The following ADGRL1 variants were observed in gnomAD, a reference collection of about 807,000 sequenced individuals.
ADGRL1 encodes adhesion G protein-coupled receptor L1.
ADGRL1 carries 31 observed loss-of-function variants against 148.9 expected under a neutral mutation model. That is an observed-to-expected ratio of 0.21 (90% CI 0.16 to 0.28). ADGRL1 has a LOEUF of 0.28. ADGRL1 is among the 10% of genes least tolerant of loss of function. The probability of loss-of-function intolerance (pLI) is 1.00; values close to 1 mark genes in which losing one functional copy is unlikely to be tolerated. For synonymous variants in ADGRL1, 937 were observed against 900.3 expected (o/e 1.04, Z -0.73); for missense variants, 1,521 against 2,058.8 (o/e 0.74, Z 5.05).
Position 14,156,433 on chromosome 19 carries a change from A to G in ADGRL1, c.3033+225T>C, listed in dbSNP as rs369988197. On this transcript the variant is annotated intron_variant, in intron 16 of 22. Coordinates refer to ENST00000361434, the MANE Select transcript of ADGRL1 (RefSeq NM_014921.5). ...GGACAAGGCCCATGGCCTGACACAC[A>G]CTAGGGGCTCAAATCACAGCCCCCC... Among the ~76,000 whole-genome samples the G allele has an allele frequency of 4.6e-5, 7 of 152,050 alleles. No homozygotes were observed. The East Asian group carries it at 9.7e-4, about 21-fold the overall frequency.
At position 14,151,053 on chromosome 19, in the gene ADGRL1, T is replaced by TGGGGGGGG; in HGVS notation, c.4229_4230insCCCCCCCC (p.Gly1413HisfsTer118). The TGGGGGGGG allele has an allele frequency of 2.8e-6, 1 of 359,720 alleles. No homozygotes were observed. Among genetic ancestry groups the TGGGGGGGG allele is most frequent in the Admixed American group, 1.2e-4 (1 of 8,480 alleles). 22.3% of individuals were successfully genotyped at this position (359,720 alleles called of 1,614,324 possible). A position where few individuals can be genotyped will look rare whatever the true frequency, so the allele number is the denominator to read the frequency against. On this transcript the variant is annotated frameshift_variant, in exon 23 of 23. Coordinates refer to ENST00000361434, the MANE Select transcript of ADGRL1 (RefSeq NM_014921.5). LOFTEE classifies it high-confidence loss of function. ...AGTAGATTTCGGGGGGGCCGGGGGG[T>TGGGGGGGG]GCGGGAGGGGGTGGGGGCAGGGCCT...
At position 14,152,170 on chromosome 19, in the gene ADGRL1, GAGAGA is replaced by G. The variant is rs762508560; in HGVS notation, c.3650-25_3650-21del. The G allele has an allele frequency of 3.0e-5, 48 of 1,614,036 alleles. No homozygotes were observed. Among genetic ancestry groups the G allele is most frequent in the Admixed American group, 1.7e-5 (1 of 60,000 alleles). On this transcript the variant is annotated intron_variant, in intron 21 of 22. Transcript: ENST00000361434. The surrounding 1 kb of genome is among the most constrained non-coding windows in gnomAD (Gnocchi z 6.1). ...AGCTCCCTGCAGGTGGCAGCCAGAA[GAGAGA>G]AGAGAAAAGGCAAGGATGAGCTCGA...
chr19:14,169,606 G>C (rs144598561), intron 4 of ADGRL1: 2 of 152,272 alleles, frequency 1.3e-5, no homozygotes, highest in Non-Finnish European at 2.9e-5. Flanking sequence ...CCCCAGCATC[G>C]AGTCACCTGT....
At chr19:14,177,326 A>G (rs1970890703) in intron 3 of ADGRL1, among the ~76,000 whole-genome samples, 1 of 152,140 alleles carries the variant, frequency 6.6e-6, no homozygotes, top group Non-Finnish European at 1.5e-5. Context: ...GTATGGGTAT[A>G]GGCCTCTGTC....
intron 1 of ADGRL1, among the ~76,000 whole-genome samples, chr19:14,189,699 A>G (rs1971813398): frequency 1.3e-5 from 2 of 152,232 alleles, no homozygotes; most frequent in African/African-American, 2.4e-5. Context: ...GCTGTTGCAC[A>G]GAAGGATCCT....
chr19:14,149,611 G>C lies in ADGRL1; in HGVS notation c.*1262C>G, dbSNP rs997815183. ...GAGGGAAGGGGGAGACAGGCCTCTGGTCCTGGGGCAGGCAGTGAGAGGTAC... is the reference window on the plus strand; with the variant it reads ...GAGGGAAGGGGGAGACAGGCCTCTGCTCCTGGGGCAGGCAGTGAGAGGTAC... On this transcript the variant is annotated 3_prime_UTR_variant, in exon 23 of 23. Transcript: ENST00000361434. 6.5e-6 allele frequency: 1 copy of C among 152,780 alleles called. No individual in the cohort carries two copies. Among genetic ancestry groups the C allele is most frequent in the Admixed American group, 6.5e-5 (1 of 15,288 alleles). 9.5% of individuals were successfully genotyped at this position (152,780 alleles called of 1,614,324 possible).
rs1298348802 is a variant in ADGRL1, at chr19:14,161,730, G to T, written c.1196-104C>A. ...CATCTTAGCATCTTCCTCATCTACT[G>T]AAGTGGAAACACGTGCCGGGCCCCA... is the stretch of plus-strand genomic sequence containing the variant. On this transcript the variant is annotated intron_variant, in intron 5 of 22. Coordinates refer to ENST00000361434, the MANE Select transcript of ADGRL1 (RefSeq NM_014921.5). The surrounding 1 kb of genome is among the most constrained non-coding windows in gnomAD (Gnocchi z 4.4). The T allele has an allele frequency of 1.2e-6, 1 of 843,004 alleles. No individual in the cohort carries two copies. Among genetic ancestry groups the T allele is most frequent in the Non-Finnish European group, 1.6e-6 (1 of 611,314 alleles). The allele number at this position is 843,004 out of a possible 1,614,324, so 52.2% of individuals were successfully genotyped here.
intron 1 of ADGRL1, among the ~76,000 whole-genome samples, chr19:14,201,807 C>T (rs1234492827): frequency 1.3e-5 from 2 of 152,096 alleles, no homozygotes; most frequent in Non-Finnish European, 2.9e-5. Flanking sequence ...CATCCTCGCG[C>T]GCTTGGATCC....
chr19:14,188,491 C>T (rs187798764), intron 1 of ADGRL1, among the ~76,000 whole-genome samples: 33 of 152,270 alleles, frequency 2.2e-4, no homozygotes, highest in Middle Eastern at 6.8e-3. Flanking sequence ...TTCAGCCCAA[C>T]CAGACCAAAA....
In ADGRL1 at chr19:14,158,121, C is replaced by T. The variant is rs1968957155; in HGVS notation, c.2365-69G>A. 4.7e-6 allele frequency: 7 copies of T among 1,497,538 alleles called. No individual in the cohort carries two copies. In the Admixed American group the frequency reaches 8.6e-5, roughly 18 times the overall value. 92.8% of individuals were successfully genotyped at this position (1,497,538 alleles called of 1,614,324 possible). On this transcript the variant is annotated intron_variant, in intron 12 of 22. Coordinates refer to ENST00000361434, the MANE Select transcript of ADGRL1 (RefSeq NM_014921.5). ...CGGGGAGTCCCATTCCGACCCCCCA[C>T]ACCTGGCAACAGGGATGGTACCAAG...
In ADGRL1 at chr19:14,160,270, T is replaced by C. The variant is rs770779827; in HGVS notation, c.1642A>G (p.Ile548Val). 65 of 1,592,448 alleles carry C rather than the reference T, an allele frequency of 4.1e-5. No homozygotes were observed. Among genetic ancestry groups the C allele is most frequent in the East Asian group, 6.8e-5 (3 of 44,186 alleles). ...GTGTGTCGGGCCAGCTCGCTGGCGA[T>C]GTTGGCCGCGTTCTCCCCACTCTTG... ...KIKSGENAAN[I>V]ASELARHTRG... Residue 548 changes from isoleucine (I) to valine (V), a missense_variant, in exon 8 of 23, where the codon ATC becomes GTC. Physicochemically the swap from Ile to Val is conservative, Grantham distance 29. Around this residue, in one of 8 missense-constraint regions of ADGRL1, gnomAD observed 270 missense variants for 320.4 expected, o/e 0.84. Coordinates refer to ENST00000361434, the MANE Select transcript of ADGRL1 (RefSeq NM_014921.5). This position sits in a 1 kb window ranked among gnomAD's most constrained non-coding sequence, Gnocchi z 5.9.
rs942484262 is a variant in ADGRL1, at chr19:14,150,053, C to T, written c.*820G>A. On this transcript the variant is annotated 3_prime_UTR_variant, in exon 23 of 23. Coordinates refer to ENST00000361434, the MANE Select transcript of ADGRL1 (RefSeq NM_014921.5). ...AAAGATCCAAGCCCAGGACCCACTC[C>T]CCAGGGAGATCCAGACCCAAAATCT... is the stretch of plus-strand genomic sequence containing the variant. The T allele has an allele frequency of 1.3e-5, 2 of 152,138 alleles. No homozygotes were observed. The highest frequency in any genetic ancestry group is 4.8e-5 in the African/African-American group (2 of 41,326). The allele number at this position is 152,138 out of a possible 1,614,324, so 9.4% of individuals were successfully genotyped here. A position where few individuals can be genotyped will look rare whatever the true frequency, so the allele number is the denominator to read the frequency against.
rs1555785211 is a variant in ADGRL1 at position 14,163,490 on chromosome 19, G to GAGAGAGAGAGAA, written c.395-85_395-84insTTCTCTCTCTCT. On this transcript the variant is annotated intron_variant, in intron 4 of 22. Transcript: ENST00000361434. ...GGAGAGAGAGAGAGAGAGAGAGAGA[G>GAGAGAGAGAGAA]AGAGAGAGGGGGGAGAGAGGCAAGT... 1.5e-4 allele frequency: 158 copies of GAGAGAGAGAGAA among 1,048,658 alleles called. 1 individual carries two copies. The African/African-American group carries it at 2.3e-3, about 15-fold the overall frequency. The allele number at this position is 1,048,658 out of a possible 1,614,324, so 65.0% of individuals were successfully genotyped here. A position where few individuals can be genotyped will look rare whatever the true frequency, so the allele number is the denominator to read the frequency against.
intron 4 of ADGRL1, among the ~76,000 whole-genome samples, chr19:14,165,073 C>T (rs1969825176): frequency 6.6e-6 from 1 of 152,190 alleles, no homozygotes; most frequent in East Asian, 1.9e-4. Flanking sequence ...GGGGCTTGGG[C>T]TAGTCCTCAT....
chr19:14,151,653 G>T lies in ADGRL1; in HGVS notation c.3668-38C>A, dbSNP rs774597875. On this transcript the variant is annotated intron_variant, in intron 22 of 22. Transcript: ENST00000361434. Reference sequence around the variant, plus strand: ...AAGGGGCTGGTCAGGTTGAAGAGGGGCCCTGGATGCACTAGGGGACAGTGA... The same window carrying T: ...AAGGGGCTGGTCAGGTTGAAGAGGGTCCCTGGATGCACTAGGGGACAGTGA... 3.9e-6 allele frequency: 6 copies of T among 1,543,696 alleles called. No individual in the cohort carries two copies. In the East Asian group the frequency reaches 1.1e-4, roughly 29 times the overall value.
At chr19:14,169,345 G>A (rs1328939192) in intron 4 of ADGRL1, 1 of 152,254 alleles carries the variant, frequency 6.6e-6, no homozygotes, top group Non-Finnish European at 1.5e-5. Context: ...TTCAGAGCCA[G>A]AAAACTCAAG....
rs1186318183 is a variant in ADGRL1, at chr19:14,160,802, C to T, written c.1511-106G>A. 42 of 728,410 alleles carry T rather than the reference C, an allele frequency of 5.8e-5. No homozygotes were observed. The highest frequency in any genetic ancestry group is 5.8e-4 in the East Asian group (22 of 38,190). The allele number at this position is 728,410 out of a possible 1,614,324, so 45.1% of individuals were successfully genotyped here. On this transcript the variant is annotated intron_variant, in intron 6 of 22. Transcript: ENST00000361434. This position sits in a 1 kb window ranked among gnomAD's most constrained non-coding sequence, Gnocchi z 5.9. ...TGACAGAGAGTGGGGGACGAGCGGG[C>T]GAAGAGGGAGGTGAGGGAAACACGG... is the stretch of plus-strand genomic sequence containing the variant.
chr19:14,187,540 C>T (rs1971653013), intron 1 of ADGRL1, among the ~76,000 whole-genome samples: 1 of 151,470 alleles, frequency 6.6e-6, no homozygotes, highest in Non-Finnish European at 1.5e-5. Context: ...CCAGCTCCCT[C>T]TCCACTGCCC....
At chr19:14,199,216 G>A (rs982506312) in intron 1 of ADGRL1, among the ~76,000 whole-genome samples, 7 of 152,208 alleles carry the variant, frequency 4.6e-5, no homozygotes, top group African/African-American at 1.7e-4. Context: ...TCTCCACGGG[G>A]GAGCTGGGGA....
Sources: gnomAD v4.1 joint callset for allele counts (sites outside exome capture counted in the v4.1 genomes callset) on GRCh38, gnomAD v4.1.1 for gene constraint, gnomAD v4.1.1 regional missense constraint, Gnocchi (gnomAD v3.1) non-coding constraint, MANE v1.5 for transcripts, NCBI Gene and HGNC (gene_info 2026-07-23, HGNC 2026-07-21) for gene names.